The following L3MBTL4 variants were observed in gnomAD, a reference collection of about 807,000 sequenced individuals.
The protein encoded by L3MBTL4 is L3MBTL histone methyl-lysine binding protein 4, also known as lethal(3)malignant brain tumor-like protein 4.
In L3MBTL4, 70 loss-of-function variants were observed where a neutral mutation model predicts 84.5. The ratio of observed to expected loss-of-function variants is 0.83; its 90% CI spans 0.68 to 1.01. The LOEUF is 1.01. Among genes scored for constraint, L3MBTL4 ranks in the 50% least tolerant of loss-of-function variants. The pLI, the probability that L3MBTL4 is intolerant of heterozygous loss-of-function variation, is 0.00. For missense variants in L3MBTL4, 715 were observed against 754.8 expected (o/e 0.95, Z 0.62); for synonymous variants, 274 against 259.8 (o/e 1.05, Z -0.52).
At chr18:6,288,774 G>T (rs1289164065) in intron 4 of L3MBTL4, among the ~76,000 whole-genome samples, 1 of 151,598 alleles carries the variant, frequency 6.6e-6, no homozygotes, top group Admixed American at 6.6e-5. Flanking sequence ...AGTAATCCAG[G>T]TATAGTAATT....
intron 14 of L3MBTL4, among the ~76,000 whole-genome samples, chr18:6,095,138 T>C (rs2058588677): frequency 6.6e-6 from 1 of 152,202 alleles, no homozygotes; most frequent in South Asian, 2.1e-4. Flanking sequence ...AGGCCCACTA[T>C]TATACAGGGT....
chr18:6,083,200 C>A (rs570718021), intron 15 of L3MBTL4, among the ~76,000 whole-genome samples: 1 of 152,216 alleles, frequency 6.6e-6, no homozygotes, highest in African/African-American at 2.4e-5. Context: ...ATGGAAGGCA[C>A]GGATAAAGGG....
chr18:6,359,000 G>A (rs974155380), intron 1 of L3MBTL4, among the ~76,000 whole-genome samples: 3 of 152,124 alleles, frequency 2.0e-5, no homozygotes, highest in South Asian at 2.1e-4. Flanking sequence ...TTTTCATATC[G>A]TATTTACTGA....
chr18:6,321,865 C>T (rs1436766021), intron 1 of L3MBTL4, among the ~76,000 whole-genome samples: 2 of 151,828 alleles, frequency 1.3e-5, no homozygotes, highest in Non-Finnish European at 2.9e-5. Flanking sequence ...AAGGCATACT[C>T]TGTGGTATAA....
At chr18:6,324,999 G>C (rs750011721) in intron 1 of L3MBTL4, among the ~76,000 whole-genome samples, 2 of 152,070 alleles carry the variant, frequency 1.3e-5, no homozygotes, top group Non-Finnish European at 2.9e-5. Context: ...TAAGAAGTCT[G>C]TCACTACTAG....
chr18:6,190,682 G>A (rs1300535124), intron 12 of L3MBTL4, among the ~76,000 whole-genome samples: 1 of 152,138 alleles, frequency 6.6e-6, no homozygotes, highest in Admixed American at 6.6e-5. Context: ...AATTCTAGTA[G>A]GGATAATCAA....
At chr18:6,093,301 T>C in intron 15 of L3MBTL4, 54 bp downstream of exon 15, 1 of 1,358,378 alleles carries the variant, frequency 7.4e-7, no homozygotes, top group East Asian at 2.5e-5. Context: ...AAATTGTTCT[T>C]TTACTATTCT....
At chr18:6,230,777 T>G (rs548142399) in intron 10 of L3MBTL4, among the ~76,000 whole-genome samples, 116 of 152,344 alleles carry the variant, frequency 7.6e-4, no homozygotes, top group African/African-American at 2.7e-3. Context: ...TTTTTAATAA[T>G]AGCCATTCTG....
intron 12 of L3MBTL4, among the ~76,000 whole-genome samples, chr18:6,187,485 T>C (rs1352392383): frequency 6.6e-6 from 1 of 152,206 alleles, no homozygotes; most frequent in Non-Finnish European, 1.5e-5. Context: ...GTCATTAAAA[T>C]AAATGCATGT....
chr18:6,098,109 T>C (rs1232065529), intron 14 of L3MBTL4, among the ~76,000 whole-genome samples: 2 of 152,178 alleles, frequency 1.3e-5, no homozygotes, highest in Non-Finnish European at 2.9e-5. Flanking sequence ...TCCTCTTGCA[T>C]CAACAATGTT....
At chr18:5,965,624 C>T (rs73940520) in intron 17 of L3MBTL4, among the ~76,000 whole-genome samples, 10,799 of 152,212 alleles carry the variant, frequency 0.071, 1,134 homozygotes, top group African/African-American at 0.23. Context: ...TGGGTAGGTA[C>T]TCACTGGGGT....
At chr18:6,159,246 G>T (rs1448499647) in intron 13 of L3MBTL4, among the ~76,000 whole-genome samples, 1 of 152,182 alleles carries the variant, frequency 6.6e-6, no homozygotes, top group Non-Finnish European at 1.5e-5. Context: ...CACTGGCTGG[G>T]TTACCCACTT....
At chr18:6,044,877 T>C (rs1254811486) in intron 16 of L3MBTL4, among the ~76,000 whole-genome samples, 1 of 152,190 alleles carries the variant, frequency 6.6e-6, no homozygotes, top group East Asian at 1.9e-4. Context: ...TTTTTTCCAG[T>C]TCAACTCTCC....
intron 4 of L3MBTL4, among the ~76,000 whole-genome samples, chr18:6,280,741 C>G (rs771180696): frequency 1.3e-5 from 2 of 152,066 alleles, no homozygotes; most frequent in Non-Finnish European, 2.9e-5. Context: ...CACAGGAGTC[C>G]TCAGTGGAAG....
At chr18:6,274,129 C>T (rs1327244563) in intron 4 of L3MBTL4, among the ~76,000 whole-genome samples, 1 of 152,152 alleles carries the variant, frequency 6.6e-6, no homozygotes, top group Non-Finnish European at 1.5e-5. Context: ...AAAGGTTTCC[C>T]AAACCATGTT....
At chr18:6,352,047 T>C (rs1361918058) in intron 1 of L3MBTL4, among the ~76,000 whole-genome samples, 14 of 152,144 alleles carry the variant, frequency 9.2e-5, no homozygotes, top group Non-Finnish European at 2.9e-5. Flanking sequence ...ATTATACTAA[T>C]AGCTGCTACT....
At chr18:6,247,466 ATTTTTTTTTTTTTTT>A (rs71163266) in intron 5 of L3MBTL4, among the ~76,000 whole-genome samples, 7 of 49,634 alleles carry the variant, frequency 1.4e-4, no homozygotes, top group Non-Finnish European at 2.1e-4. Context: ...CCCTCCTCTG[ATTTTTTTTTTTTTTT>A]TTTTTTTTTT....
chr18:5,972,319 G>A (rs2052676902), intron 16 of L3MBTL4, among the ~76,000 whole-genome samples: 1 of 152,192 alleles, frequency 6.6e-6, no homozygotes, highest in African/African-American at 2.4e-5. Flanking sequence ...AACTCATAAA[G>A]ACCTGAGTTG....
At chr18:6,332,438 C>T (rs1457428299) in intron 1 of L3MBTL4, among the ~76,000 whole-genome samples, 1 of 152,178 alleles carries the variant, frequency 6.6e-6, no homozygotes, top group Non-Finnish European at 1.5e-5. Context: ...TGCTGAGTCA[C>T]ATGGTTCCAG....
Sources: allele counts gnomAD v4.1 joint callset (sites outside exome capture counted in the v4.1 genomes callset), GRCh38; gene constraint gnomAD v4.1.1; transcripts MANE v1.5; gene names NCBI Gene and HGNC (gene_info 2026-07-23, HGNC 2026-07-21).